CHIA: variants seen among roughly 807,000 people sequenced by gnomAD.
CHIA encodes the protein chitinase acidic.
A neutral mutation model predicts 53.5 loss-of-function variants in CHIA; 47 were observed. The observed-to-expected ratio is 0.88, with a 90% CI of 0.70 to 1.12. The LOEUF (loss-of-function observed/expected upper bound fraction) is 1.12, where lower values mean the gene tolerates loss of function less well. Ranked by LOEUF, CHIA falls within the 50% of genes most tolerant of loss-of-function variation. The pLI is 0.00. For missense variants in CHIA, 652 were observed against 592.2 expected (o/e 1.10, Z -1.05); for synonymous variants, 268 against 222.2 (o/e 1.21, Z -1.83).
intron 4 of CHIA, among the ~76,000 whole-genome samples, 200 bp from the exon 5 acceptor site, chr1:111,314,340 T>C (rs1648965558): frequency 5.3e-5 from 8 of 152,334 alleles, no homozygotes; most frequent in Admixed American, 4.6e-4. Context: ...AATTTAGATT[T>C]CCCTAGGGAA....
At chr1:111,317,403 G>A (rs935644090) in intron 6 of CHIA, 11 of 334,086 alleles carry the variant, frequency 3.3e-5, no homozygotes, top group African/African-American at 2.3e-4. Context: ...GAGCCCTGAT[G>A]GTCATCTGGG....
chr1:111,308,971 T>C (rs888872778), intron 1 of CHIA, among the ~76,000 whole-genome samples: 1 of 152,206 alleles, frequency 6.6e-6, no homozygotes, highest in African/African-American at 2.4e-5. Context: ...TTTGTTGATA[T>C]GATTATTTTC....
intron 4 of CHIA, among the ~76,000 whole-genome samples, chr1:111,313,287 C>T (rs555756339): frequency 6.6e-6 from 1 of 152,030 alleles, no homozygotes; most frequent in Non-Finnish European, 1.5e-5. Context: ...GCAAGAGTTC[C>T]TTTTTTTTCC....
intron 1 of CHIA, among the ~76,000 whole-genome samples, chr1:111,295,035 A>G (rs550926451): frequency 6.6e-6 from 1 of 152,314 alleles, no homozygotes; most frequent in African/African-American, 2.4e-5. Flanking sequence ...GTAATGCTGG[A>G]CATATAGAAT....
At chr1:111,302,332 A>AG (rs1205746559) in intron 1 of CHIA, among the ~76,000 whole-genome samples, 1 of 151,854 alleles carries the variant, frequency 6.6e-6, no homozygotes, top group Non-Finnish European at 1.5e-5. Flanking sequence ...CTAGCTCCTT[A>AG]GGTGTAATTA....
At chr1:111,294,107 A>T (rs1472191003) in intron 1 of CHIA, among the ~76,000 whole-genome samples, 1 of 152,132 alleles carries the variant, frequency 6.6e-6, no homozygotes, top group African/African-American at 2.4e-5. Flanking sequence ...CAAAGAAAAC[A>T]TCACTGGGAT....
chr1:111,296,666 C>T (rs1424257267), intron 1 of CHIA, among the ~76,000 whole-genome samples: 1 of 152,198 alleles, frequency 6.6e-6, no homozygotes, highest in Non-Finnish European at 1.5e-5. Context: ...CACCTCTTAT[C>T]CTCCAAAGGA....
intron 1 of CHIA, among the ~76,000 whole-genome samples, chr1:111,308,904 G>T (rs1308189140): frequency 6.6e-6 from 1 of 152,138 alleles, no homozygotes; most frequent in Non-Finnish European, 1.5e-5. Context: ...CAAAATTAAA[G>T]CCTAAGTGAT....
chr1:111,305,041 G>T (rs1394478658), intron 1 of CHIA, among the ~76,000 whole-genome samples: 1 of 152,096 alleles, frequency 6.6e-6, no homozygotes, highest in East Asian at 1.9e-4. Context: ...GGGATTACAG[G>T]TCACTGCACT....
At chr1:111,298,184 A>G (rs1571265811) in intron 1 of CHIA, among the ~76,000 whole-genome samples, 1 of 152,194 alleles carries the variant, frequency 6.6e-6, no homozygotes, top group African/African-American at 2.4e-5. Flanking sequence ...AGACATATCA[A>G]TGAGACAGAA....
intron 1 of CHIA, among the ~76,000 whole-genome samples, chr1:111,308,171 T>C (rs1571283740): frequency 6.6e-6 from 1 of 152,172 alleles, no homozygotes; most frequent in Non-Finnish European, 1.5e-5. Flanking sequence ...TAAAAAGAAA[T>C]GTTTAATCTG....
In CHIA at chr1:111,318,027, G is replaced by T; in HGVS notation, c.647G>T (p.Gly216Val). 3 of 1,614,120 alleles carry T rather than the reference G, an allele frequency of 1.9e-6. No homozygotes were observed. The African/African-American group carries it at 4.0e-5, about 22-fold the overall frequency. ...YIHVMTYDLH[G>V]SWEGYTGENS... is the part of the protein sequence containing the mutation. ...CATGTCATGACCTACGACCTCCATGGCTCCTGGGAGGGCTACACTGGAGAG... is the reference window on the plus strand; with the variant it reads ...CATGTCATGACCTACGACCTCCATGTCTCCTGGGAGGGCTACACTGGAGAG... Residue 216 changes from glycine (G) to valine (V), a missense_variant, in exon 8 of 12, where the codon GGC (glycine) becomes GTC (valine). Physicochemically the swap from Gly to Val is moderately radical, Grantham distance 109 (BLOSUM62 -3). Transcript: ENST00000369740.
chr1:111,314,641 C>T, intron 5 of CHIA, 45 bp downstream of exon 5: 1 of 1,419,438 alleles, frequency 7.0e-7, no homozygotes, highest in East Asian at 2.3e-5. Context: ...CTATGGAAAA[C>T]AAGTTAGCCC....
intron 10 of CHIA, 43 bp from the exon 11 acceptor site, chr1:111,319,284 C>G (rs1302359210): frequency 3.1e-6 from 5 of 1,614,010 alleles, no homozygotes; most frequent in Non-Finnish European, 4.2e-6. Flanking sequence ...GCCCTGAGTC[C>G]CAGGAAAGCA....
intron 1 of CHIA, among the ~76,000 whole-genome samples, chr1:111,305,929 T>C (rs926482509): frequency 6.6e-6 from 1 of 152,240 alleles, no homozygotes; most frequent in African/African-American, 2.4e-5. Flanking sequence ...AAAGATTAAT[T>C]GCATTTATAG....
At chr1:111,296,570 C>T (rs907745685) in intron 1 of CHIA, among the ~76,000 whole-genome samples, 1 of 152,170 alleles carries the variant, frequency 6.6e-6, no homozygotes, top group Non-Finnish European at 1.5e-5. Flanking sequence ...ATCTGTAGGT[C>T]ACCAACATCA....
chr1:111,291,689 A>AG (rs1253489415), intron 1 of CHIA, among the ~76,000 whole-genome samples: 1 of 152,130 alleles, frequency 6.6e-6, no homozygotes, highest in African/African-American at 2.4e-5. Flanking sequence ...TTTTTTAAAA[A>AG]GGGGGGAAAA....
intron 1 of CHIA, among the ~76,000 whole-genome samples, chr1:111,307,838 C>T (rs1247197722): frequency 6.6e-6 from 1 of 152,032 alleles, no homozygotes; most frequent in African/African-American, 2.4e-5. Context: ...GACGGGGTTT[C>T]ACCATGTTGA....
chr1:111,299,904 T>G (rs1169069242), intron 1 of CHIA, among the ~76,000 whole-genome samples: 1 of 152,138 alleles, frequency 6.6e-6, no homozygotes, highest in Non-Finnish European at 1.5e-5. Context: ...AAAATCAAAG[T>G]GCAAAAATCA....
Sources: allele counts gnomAD v4.1 joint callset (sites outside exome capture counted in the v4.1 genomes callset), GRCh38; gene constraint gnomAD v4.1.1; transcripts MANE v1.5; gene names NCBI Gene and HGNC (gene_info 2026-07-23, HGNC 2026-07-21).